LRP2: variants seen among roughly 807,000 people sequenced by gnomAD.
LRP2 encodes the protein LDL receptor related protein 2.
A neutral mutation model predicts 531.0 loss-of-function variants in LRP2; 172 were observed. The observed-to-expected ratio is 0.32, with a 90% confidence interval of 0.29 to 0.37. LRP2 has a LOEUF of 0.37. LRP2 is among the 10% of genes least tolerant of loss of function. LRP2 has a pLI of 1.00. For synonymous variants in LRP2, 1,992 were observed against 2,027.6 expected (o/e 0.98, Z 0.47); for missense variants, 5,167 against 5,868.3 (o/e 0.88, Z 3.90).
intron 9 of LRP2, 41 bp downstream of exon 9, chr2:169,288,985 C>G (rs1466144166): frequency 6.2e-7 from 1 of 1,612,288 alleles, no homozygotes; most frequent in Non-Finnish European, 8.5e-7. Flanking sequence ...CATCAGTGTA[C>G]TGTAATGAAA....
chr2:169,267,706 G>C (rs138237996), intron 16 of LRP2, among the ~76,000 whole-genome samples: 2,714 of 152,034 alleles, frequency 0.018, 78 homozygotes, highest in African/African-American at 0.06. Flanking sequence ...CTAGAGAAGC[G>C]AGAGCAAACA....
chr2:169,315,419 C>A (rs567721194), intron 3 of LRP2, among the ~76,000 whole-genome samples: 2 of 152,288 alleles, frequency 1.3e-5, no homozygotes, highest in South Asian at 2.1e-4. Flanking sequence ...AAAAGTGACA[C>A]CTCCCTGGGT....
chr2:169,218,621 A>G (rs1574145597), intron 34 of LRP2, among the ~76,000 whole-genome samples: 2 of 152,170 alleles, frequency 1.3e-5, no homozygotes, highest in South Asian at 4.2e-4. Flanking sequence ...GCCAAAATTA[A>G]TGTCTTCCTC....
At chr2:169,166,501 C>A (rs1016210270) in intron 61 of LRP2, among the ~76,000 whole-genome samples, 3 of 152,134 alleles carry the variant, frequency 2.0e-5, no homozygotes, top group Non-Finnish European at 4.4e-5. Context: ...GGCTGTGAGG[C>A]TGGACAGACT....
At chr2:169,146,628 A>C (rs1421385572) in intron 69 of LRP2, 111 bp downstream of exon 69, 3 of 880,376 alleles carry the variant, frequency 3.4e-6, no homozygotes, top group South Asian at 1.7e-5. Flanking sequence ...TATCTAAAAA[A>C]CTATATAAGC....
chr2:169,190,515 T>C (rs1173178567), intron 48 of LRP2, among the ~76,000 whole-genome samples: 4 of 152,200 alleles, frequency 2.6e-5, no homozygotes, highest in African/African-American at 7.2e-5. Flanking sequence ...ACTCCAACGG[T>C]ACATTAGCGC....
rs545303364 is a variant in LRP2, at chr2:169,175,309, C to T, written c.10652G>A (p.Arg3551His). ...GSDELALCPQ[R>H]FCRLGQFQCS... ...CTGGAACTGTCCCAGTCGGCAGAAG[C>T]GCTGCGGGCAAAGGGCCAGTTCATC... Residue 3551 changes from arginine to histidine, a missense_variant, in exon 55 of 79, where the codon CGC becomes CAC. Physicochemically the swap from Arg to His is conservative, Grantham distance 29 (BLOSUM62 0). Around this residue, in one of 6 missense-constraint regions of LRP2, gnomAD observed 311 missense variants for 309.4 expected, o/e 1.01. Coordinates refer to ENST00000649046, the MANE Select transcript of LRP2 (RefSeq NM_004525.3). 1.6e-5 allele frequency: 26 copies of T among 1,614,178 alleles called. No homozygotes were observed. Among genetic ancestry groups the T allele is most frequent in the African/African-American group, 4.0e-5 (3 of 75,044 alleles).
At position 169,217,877 on chromosome 2, in the gene LRP2, T is replaced by C. The variant is rs542868016; in HGVS notation, c.5649-1447A>G. Reference sequence around the variant, plus strand: ...TCAGGTTTCTCTATTCTGAAAGACATTTTCCTGTTACATTTTGACCTACAA... The same window carrying C: ...TCAGGTTTCTCTATTCTGAAAGACACTTTCCTGTTACATTTTGACCTACAA... On this transcript the variant is annotated intron_variant, in intron 34 of 78. Transcript: ENST00000649046. Among the ~76,000 whole-genome samples the C allele has an allele frequency of 5.3e-5, 8 of 152,294 alleles. No individual in the cohort carries two copies. In the South Asian group the frequency reaches 1.5e-3, roughly 28 times the overall value.
chr2:169,147,042 G>A (rs190188580), intron 68 of LRP2, 83 bp from the exon 69 acceptor site: 1 of 1,057,306 alleles, frequency 9.5e-7, no homozygotes, highest in Admixed American at 2.0e-5. Context: ...TTACCTACAG[G>A]GAAACCAACT....
At chr2:169,333,510 AAGGAAGGG>A (rs1264303870) in intron 1 of LRP2, among the ~76,000 whole-genome samples, 2 of 136,786 alleles carry the variant, frequency 1.5e-5, no homozygotes, top group Non-Finnish European at 3.2e-5. Flanking sequence ...CGAAGGAAGG[AAGGAAGGG>A]AGGGAGGGAG....
At position 169,280,264 on chromosome 2, in the gene LRP2, A is replaced by G. The variant is rs112897661; in HGVS notation, c.1341+86T>C. 5.6e-5 allele frequency: 83 copies of G among 1,475,452 alleles called. 2 individuals carry two copies. In the Middle Eastern group the frequency reaches 8.6e-4, roughly 15 times the overall value. The allele number at this position is 1,475,452 out of a possible 1,614,324, so 91.4% of individuals were successfully genotyped here. A position where few individuals can be genotyped will look rare whatever the true frequency, so the allele number is the denominator to read the frequency against. On this transcript the variant is annotated intron_variant, in intron 11 of 78. Coordinates refer to ENST00000649046, the MANE Select transcript of LRP2 (RefSeq NM_004525.3). ...GCCTTTTTTGTTAGAAAACAAAGGA[A>G]CTTTCCCCTCTACTCCCTCTAAAAG... is the stretch of plus-strand genomic sequence containing the variant.
chr2:169,151,975 C>T (rs1356626167), intron 67 of LRP2, among the ~76,000 whole-genome samples: 1 of 152,194 alleles, frequency 6.6e-6, no homozygotes, highest in Non-Finnish European at 1.5e-5. Flanking sequence ...AAATAACTAT[C>T]CATTCTCCAG....
chr2:169,162,621 A>G, intron 62 of LRP2, 21 bp from the exon 63 acceptor site: 1 of 1,613,798 alleles, frequency 6.2e-7, no homozygotes, highest in African/African-American at 1.3e-5. Context: ...AAAACAAGTT[A>G]AAATCAAAAC....
At chr2:169,335,618 C>G (rs1026203400) in intron 1 of LRP2, among the ~76,000 whole-genome samples, 1 of 152,030 alleles carries the variant, frequency 6.6e-6, no homozygotes, top group Admixed American at 6.5e-5. Flanking sequence ...AGTCTGTAAT[C>G]AGCATAGACA....
At chr2:169,141,758 TC>T (rs1268989753) in intron 71 of LRP2, among the ~76,000 whole-genome samples, 7 of 152,218 alleles carry the variant, frequency 4.6e-5, no homozygotes, top group Admixed American at 3.9e-4. Flanking sequence ...CCTGAAATTG[TC>T]ATTTTGTTCC....
At chr2:169,233,273 T>C (rs879184774) in intron 30 of LRP2, 138 bp downstream of exon 30, 9 of 879,938 alleles carry the variant, frequency 1.0e-5, no homozygotes, top group Non-Finnish European at 1.7e-5. Flanking sequence ...AGGGAAAGTA[T>C]ATAGTGGGGT....
chr2:169,205,299 A>T lies in LRP2; in HGVS notation c.7715+180T>A, dbSNP rs1004871318. On this transcript the variant is annotated intron_variant, in intron 41 of 78. Transcript: ENST00000649046. Reference sequence around the variant, plus strand: ...AATTATTCAATGCATGATATAGATAAATTTTCACAGTATGTTCACCAAGTT... The same window carrying T: ...AATTATTCAATGCATGATATAGATATATTTTCACAGTATGTTCACCAAGTT... Among the ~76,000 whole-genome samples, 3 of 152,196 alleles carry T rather than the reference A, an allele frequency of 2.0e-5. No homozygotes were observed. The East Asian group carries it at 5.8e-4, about 29-fold the overall frequency.
intron 46 of LRP2, 144 bp from the exon 47 acceptor site, chr2:169,194,036 A>G (rs1440734486): frequency 1.1e-6 from 1 of 871,226 alleles, no homozygotes; most frequent in African/African-American, 1.7e-5. Flanking sequence ...GTCCTCCAAT[A>G]AGACTAGTAC....
At position 169,277,766 on chromosome 2, in the gene LRP2, A is replaced by G. The variant is rs750282124; in HGVS notation, c.1751T>C (p.Val584Ala). ...VDSRFDYIET[V>A]TYDGIQRKTV... ...TTACCTTTGAATTCCATCATAAGTT[A>G]CAGTTTCAATGTAATCAAACCGAGA... Residue 584 changes from valine (V) to alanine (A), a missense_variant, in exon 13 of 79, where the codon GTA (valine) becomes GCA (alanine). Physicochemically the swap from Val to Ala is moderately conservative, Grantham distance 64. Around this residue, in one of 6 missense-constraint regions of LRP2, gnomAD observed 2,811 missense variants for 3,058.0 expected, o/e 0.92. Coordinates refer to ENST00000649046, the MANE Select transcript of LRP2 (RefSeq NM_004525.3). 1.9e-6 allele frequency: 3 copies of G among 1,613,964 alleles called. No individual in the cohort carries two copies. The highest frequency in any genetic ancestry group is 2.5e-6 in the Non-Finnish European group (3 of 1,179,944).
Sources: gnomAD v4.1 joint callset for allele counts (sites outside exome capture counted in the v4.1 genomes callset) on GRCh38, gnomAD v4.1.1 for gene constraint, gnomAD v4.1.1 regional missense constraint, MANE v1.5 for transcripts, NCBI Gene and HGNC (gene_info 2026-07-23, HGNC 2026-07-21) for gene names.